Variants in VMP1 observed in about 807,000 individuals in gnomAD.
VMP1 encodes the protein vacuole membrane protein 1.
In VMP1, 11 loss-of-function variants were observed where a neutral mutation model predicts 56.0. The ratio of observed to expected loss-of-function variants is 0.20; its 90% CI spans 0.12 to 0.32. The LOEUF is 0.32. Among genes scored for constraint, VMP1 ranks in the 10% least tolerant of loss-of-function variants. The pLI, the probability that VMP1 is intolerant of heterozygous loss-of-function variation, is 1.00. For missense variants in VMP1, 296 were observed against 490.3 expected (o/e 0.60, Z 3.74); for synonymous variants, 149 against 165.0 (o/e 0.90, Z 0.74).
Position 59,811,554 on chromosome 17 carries a change from C to A in VMP1, c.796-116C>A, listed in dbSNP as rs2038051656. On this transcript the variant is annotated intron_variant, in intron 8 of 11. Transcript: ENST00000262291. ...ACAATCCAGTAGTGATCAAGGAACC[C>A]ATATATTGCTTTGCAGTGTAAGCAG... 3 of 751,066 alleles carry A rather than the reference C, an allele frequency of 4.0e-6. No individual in the cohort carries two copies. The East Asian group carries it at 7.4e-5, about 19-fold the overall frequency. The allele number at this position is 751,066 out of a possible 1,614,324, so 46.5% of individuals were successfully genotyped here.
intron 10 of VMP1, among the ~76,000 whole-genome samples, chr17:59,825,118 G>A (rs1458348589): frequency 2.0e-5 from 1 of 49,406 alleles, no homozygotes; most frequent in South Asian, 6.2e-4. Flanking sequence ...ACAGAGTTTT[G>A]TTCTATTGCC....
chr17:59,723,617 T>C (rs1326123872), intron 1 of VMP1, among the ~76,000 whole-genome samples: 1 of 152,212 alleles, frequency 6.6e-6, no homozygotes. Flanking sequence ...AGCCTGTATA[T>C]GTCGGCAACT....
At chr17:59,816,531 G>A (rs907459759) in intron 9 of VMP1, among the ~76,000 whole-genome samples, 1 of 152,256 alleles carries the variant, frequency 6.6e-6, no homozygotes, top group Non-Finnish European at 1.5e-5. Flanking sequence ...TGTTGGCTGG[G>A]CACAGTGGCT....
intron 6 of VMP1, among the ~76,000 whole-genome samples, chr17:59,773,327 T>C (rs2144033691): frequency 6.6e-6 from 1 of 151,550 alleles, no homozygotes; most frequent in East Asian, 1.9e-4. Flanking sequence ...ATGATAAAAA[T>C]AACAGAGTCT....
intron 8 of VMP1, 90 bp downstream of exon 8, chr17:59,808,966 CACTT>C (rs1555625133): frequency 9.8e-7 from 1 of 1,016,926 alleles, no homozygotes; most frequent in Non-Finnish European, 1.4e-6. Flanking sequence ...AAAGTGCTAT[CACTT>C]TTATTGGGTA....
chr17:59,768,410 C>T (rs560322240), intron 6 of VMP1, among the ~76,000 whole-genome samples: 3 of 151,116 alleles, frequency 2.0e-5, no homozygotes, highest in South Asian at 2.1e-4. Context: ...CGAGACCAGC[C>T]GGACCAACAT....
intron 6 of VMP1, among the ~76,000 whole-genome samples, chr17:59,767,778 A>G (rs1460228337): frequency 6.6e-6 from 1 of 152,134 alleles, no homozygotes; most frequent in Admixed American, 6.6e-5. Flanking sequence ...TTAGGATCCT[A>G]AAAAATATTA....
At chr17:59,816,877 C>T (rs993133014) in intron 9 of VMP1, among the ~76,000 whole-genome samples, 12 of 147,464 alleles carry the variant, frequency 8.1e-5, no homozygotes, top group East Asian at 2.0e-4. Flanking sequence ...CCCTGGGAGG[C>T]GGAGGTTGTA....
At chr17:59,732,269 C>T (rs555805270) in intron 2 of VMP1, among the ~76,000 whole-genome samples, 14 of 152,152 alleles carry the variant, frequency 9.2e-5, no homozygotes, top group Admixed American at 2.6e-4. Context: ...CTTTTTGAGA[C>T]GGAATCTCAC....
chr17:59,786,612 C>T (rs2037015116), intron 7 of VMP1, among the ~76,000 whole-genome samples: 1 of 152,194 alleles, frequency 6.6e-6, no homozygotes, highest in Non-Finnish European at 1.5e-5. Context: ...GTCTGGCCAT[C>T]ACATGACTTC....
intron 7 of VMP1, among the ~76,000 whole-genome samples, chr17:59,795,907 T>G (rs1003750317): frequency 4.6e-5 from 7 of 152,158 alleles, no homozygotes; most frequent in African/African-American, 1.7e-4. Flanking sequence ...ATTATTATCA[T>G]CATTTTACAG....
intron 1 of VMP1, among the ~76,000 whole-genome samples, chr17:59,721,663 C>T (rs1279572577): frequency 6.6e-6 from 1 of 152,052 alleles, no homozygotes; most frequent in Non-Finnish European, 1.5e-5. Flanking sequence ...ACAGGAGGAG[C>T]ACTTGGTACC....
At chr17:59,830,819 A>C (rs2038783287) in intron 10 of VMP1, among the ~76,000 whole-genome samples, 1 of 152,152 alleles carries the variant, frequency 6.6e-6, no homozygotes, top group Non-Finnish European at 1.5e-5. Flanking sequence ...AAGGTGAATC[A>C]ATCTTTTTTG....
intron 6 of VMP1, among the ~76,000 whole-genome samples, chr17:59,768,337 T>G (rs1311820620): frequency 1.3e-5 from 2 of 152,154 alleles, no homozygotes; most frequent in African/African-American, 4.8e-5. Context: ...GTGTAGTGGC[T>G]CACACCTGTA....
At chr17:59,767,478 A>C (rs2036272595) in intron 6 of VMP1, among the ~76,000 whole-genome samples, 1 of 152,208 alleles carries the variant, frequency 6.6e-6, no homozygotes, top group Admixed American at 6.5e-5. Context: ...CTTTTGATGA[A>C]AAAAATGTTA....
intron 1 of VMP1, among the ~76,000 whole-genome samples, chr17:59,729,395 A>G (rs1470815875): frequency 6.7e-6 from 1 of 150,184 alleles, no homozygotes; most frequent in Non-Finnish European, 1.5e-5. Flanking sequence ...AGGCAGGAGA[A>G]CCACTTGAAC....
At chr17:59,723,545 A>G (rs1366462424) in intron 1 of VMP1, among the ~76,000 whole-genome samples, 1 of 152,202 alleles carries the variant, frequency 6.6e-6, no homozygotes, top group Non-Finnish European at 1.5e-5. Context: ...ATTTATTTTT[A>G]TTTGTCGGAG....
chr17:59,794,428 C>T (rs1275917442), intron 7 of VMP1, among the ~76,000 whole-genome samples: 2 of 149,364 alleles, frequency 1.3e-5, no homozygotes, highest in Non-Finnish European at 3.0e-5. Flanking sequence ...CCATGTTGGT[C>T]AGGCTGGTCT....
At chr17:59,783,786 A>AC (rs1267077653) in intron 7 of VMP1, among the ~76,000 whole-genome samples, 1 of 151,966 alleles carries the variant, frequency 6.6e-6, no homozygotes, top group Non-Finnish European at 1.5e-5. Context: ...GCCTTTATCA[A>AC]CCCTTACCTA....
Sources: allele counts gnomAD v4.1 joint callset (sites outside exome capture counted in the v4.1 genomes callset), GRCh38; gene constraint gnomAD v4.1.1; transcripts MANE v1.5; gene names NCBI Gene and HGNC (gene_info 2026-07-23, HGNC 2026-07-21).